The following COL26A1 variants were observed in gnomAD, a reference collection of about 807,000 sequenced individuals.
COL26A1 encodes collagen type XXVI alpha 1 chain.
COL26A1 carries 41 observed loss-of-function variants against 59.3 expected under a neutral mutation model. The observed-to-expected ratio is 0.69, with a 90% CI of 0.54 to 0.90. The LOEUF is 0.90. Ranked by LOEUF, COL26A1 falls within the 40% of genes least tolerant of loss-of-function variation. The pLI, the probability that COL26A1 is intolerant of heterozygous loss-of-function variation, is 0.00. For synonymous variants in COL26A1, 266 were observed against 256.0 expected (o/e 1.04, Z -0.37); for missense variants, 612 against 602.3 (o/e 1.02, Z -0.17).
At chr7:101,425,972 G>T (rs1792638209) in intron 2 of COL26A1, among the ~76,000 whole-genome samples, 1 of 151,556 alleles carries the variant, frequency 6.6e-6, no homozygotes, top group Non-Finnish European at 1.5e-5. Context: ...GACCATAGGT[G>T]TGTGCCACCA....
chr7:101,555,156 CT>C (rs1795944341), intron 11 of COL26A1, among the ~76,000 whole-genome samples: 1 of 152,166 alleles, frequency 6.6e-6, no homozygotes, highest in African/African-American at 2.4e-5. Context: ...AGTCAGCACC[CT>C]GTCTTGGCTG....
intron 2 of COL26A1, among the ~76,000 whole-genome samples, chr7:101,425,518 A>G (rs1199222778): frequency 6.6e-6 from 1 of 151,852 alleles, no homozygotes; most frequent in African/African-American, 2.4e-5. Flanking sequence ...TTTGTTTTAG[A>G]TGGAGTCTCA....
intron 3 of COL26A1, among the ~76,000 whole-genome samples, chr7:101,489,621 CT>C: frequency 1.8e-5 from 1 of 55,884 alleles, no homozygotes; most frequent in Non-Finnish European, 3.1e-5. Flanking sequence ...TTCTTTCTTT[CT>C]TTCTTTCTTT....
chr7:101,518,527 T>G (rs147905142), intron 3 of COL26A1, among the ~76,000 whole-genome samples: 76 of 152,352 alleles, frequency 5.0e-4, no homozygotes, highest in African/African-American at 1.7e-3. Flanking sequence ...CGTCTCCCCC[T>G]GCACTTGGTG....
chr7:101,450,689 TAATATATATTCTATATTC>T (rs1273942776), intron 3 of COL26A1, among the ~76,000 whole-genome samples: 3 of 148,414 alleles, frequency 2.0e-5, no homozygotes, highest in African/African-American at 7.3e-5. Context: ...GATATATTAA[TAATATATATTCTATATTC>T]AATAATATAG....
chr7:101,553,179 C>A, intron 10 of COL26A1, 147 bp from the exon 11 acceptor site: 1 of 654,772 alleles, frequency 1.5e-6, no homozygotes, highest in Non-Finnish European at 2.7e-6. Context: ...CAGCCCAGGG[C>A]AGGAGTCCCC....
intron 3 of COL26A1, among the ~76,000 whole-genome samples, chr7:101,448,683 G>T (rs1345065003): frequency 6.6e-6 from 1 of 151,950 alleles, no homozygotes; most frequent in African/African-American, 2.4e-5. Context: ...TTTTAGAGAC[G>T]GGTCTTGCAT....
At chr7:101,439,553 G>GAAAAAAAAAAAAAAAAA (rs574285424) in intron 2 of COL26A1, among the ~76,000 whole-genome samples, 2 of 81,928 alleles carry the variant, frequency 2.4e-5, no homozygotes, top group Non-Finnish European at 4.8e-5. Flanking sequence ...GACTCCGTCT[G>GAAAAAAAAAAAAAAAAA]AAAAAAAAAA....
At chr7:101,416,148 C>T (rs1194842658) in intron 1 of COL26A1, among the ~76,000 whole-genome samples, 1 of 143,174 alleles carries the variant, frequency 7.0e-6, no homozygotes. Flanking sequence ...AATCCCAGCC[C>T]TTTGGGAAGC....
chr7:101,368,856 T>A lies in COL26A1; in HGVS notation c.158+5666T>A, dbSNP rs777391217. Among the ~76,000 whole-genome samples, 31 of 151,862 alleles carry A rather than the reference T, an allele frequency of 2.0e-4. 1 individual carries two copies. Among genetic ancestry groups the A allele is most frequent in the Admixed American group, 2.0e-3 (30 of 15,270 alleles). On this transcript the variant is annotated intron_variant, in intron 1 of 12. Transcript: ENST00000313669. ...AAATTCGTAATTGCTAGAATACTTATAATTTCCCCCTTATTTACTATTTGT... is the reference window on the plus strand; with the variant it reads ...AAATTCGTAATTGCTAGAATACTTAAAATTTCCCCCTTATTTACTATTTGT...
In COL26A1 at chr7:101,544,110, C is replaced by T. The variant is rs1384304614; in HGVS notation, c.703+14C>T. On this transcript the variant is annotated intron_variant, in intron 6 of 12. Transcript: ENST00000313669. ...CGGGGCCGCCTGGTAAGAAAACCCCCCACATATGTGATGTTGTCAACCTGC... is the reference window on the plus strand; with the variant it reads ...CGGGGCCGCCTGGTAAGAAAACCCCTCACATATGTGATGTTGTCAACCTGC... The T allele has an allele frequency of 5.1e-6, 8 of 1,582,796 alleles. No homozygotes were observed. Among genetic ancestry groups the T allele is most frequent in the African/African-American group, 2.7e-5 (2 of 74,480 alleles).
chr7:101,421,747 A>G (rs13229048), intron 2 of COL26A1, among the ~76,000 whole-genome samples: 26,381 of 152,004 alleles, frequency 0.17, 2,725 homozygotes, highest in Non-Finnish European at 0.23. Flanking sequence ...CCACTGTTGC[A>G]TAATTATCTT....
chr7:101,529,091 C>T (rs760407765), intron 3 of COL26A1, among the ~76,000 whole-genome samples: 10 of 151,920 alleles, frequency 6.6e-5, no homozygotes, highest in Non-Finnish European at 1.3e-4. Flanking sequence ...ACTTGAACCC[C>T]GGTGGCAAAG....
chr7:101,551,757 A>C (rs1441055094), intron 10 of COL26A1, among the ~76,000 whole-genome samples: 1 of 152,026 alleles, frequency 6.6e-6, no homozygotes, highest in Non-Finnish European at 1.5e-5. Context: ...AAAAAAAAAA[A>C]AAAATTATGA....
intron 3 of COL26A1, among the ~76,000 whole-genome samples, chr7:101,488,306 A>G (rs1442077829): frequency 6.7e-6 from 1 of 149,128 alleles, no homozygotes; most frequent in East Asian, 2.0e-4. Context: ...TTAAATATAC[A>G]TAAAATACAT....
intron 1 of COL26A1, among the ~76,000 whole-genome samples, chr7:101,387,763 TATATA>T (rs1461625891): frequency 1.5e-5 from 1 of 64,894 alleles, no homozygotes; most frequent in African/African-American, 5.4e-5. Flanking sequence ...TTTATATATA[TATATA>T]TATATATATA....
At chr7:101,489,799 T>G (rs946015484) in intron 3 of COL26A1, among the ~76,000 whole-genome samples, 3 of 1,614 alleles carry the variant, frequency 1.9e-3, no homozygotes, top group Admixed American at 7.7e-3. Flanking sequence ...TCTTTCTTTC[T>G]TTCTTTCTTT....
chr7:101,387,778 A>ATTCTTTTTT (rs1791627506), intron 1 of COL26A1, among the ~76,000 whole-genome samples: 1 of 84,836 alleles, frequency 1.2e-5, no homozygotes, highest in Non-Finnish European at 2.2e-5. Flanking sequence ...ATATATATAT[A>ATTCTTTTTT]TTTTTTTTTA....
chr7:101,450,625 A>G (rs1178928325), intron 3 of COL26A1, among the ~76,000 whole-genome samples: 1 of 150,684 alleles, frequency 6.6e-6, no homozygotes, highest in East Asian at 1.9e-4. Flanking sequence ...GTGTGTATAT[A>G]TATAATATGT....
Sources: gnomAD v4.1 joint callset for allele counts (sites outside exome capture counted in the v4.1 genomes callset) on GRCh38, gnomAD v4.1.1 for gene constraint, MANE v1.5 for transcripts, NCBI Gene and HGNC (gene_info 2026-07-23, HGNC 2026-07-21) for gene names.